EARS2: variants seen among roughly 807,000 people sequenced by gnomAD.
EARS2 encodes glutamyl-tRNA synthetase 2, mitochondrial.
In EARS2, 50 loss-of-function variants were observed where a neutral mutation model predicts 54.1. The observed-to-expected ratio is 0.92, with a 90% CI of 0.74 to 1.17. The LOEUF is 1.17. Ranked by LOEUF, EARS2 falls within the 50% of genes most tolerant of loss-of-function variation. The pLI is 0.00. For synonymous variants in EARS2, 298 were observed against 281.0 expected, an observed-to-expected ratio of 1.06 and a Z score of -0.61; for missense variants, 673 against 675.0, an observed-to-expected ratio of 1.00 and a Z score of 0.03.
intron 2 of EARS2, among the ~76,000 whole-genome samples, chr16:23,549,281 C>T (rs922801619): frequency 1.3e-5 from 2 of 152,138 alleles, no homozygotes; most frequent in East Asian, 1.9e-4. Context: ...TTTTTGGGTG[C>T]CACCATGTTC....
At chr16:23,556,720 C>T (rs1034468761) in intron 1 of EARS2, 4 of 361,564 alleles carry the variant, frequency 1.1e-5, no homozygotes, top group African/African-American at 8.5e-5. Context: ...TGGATCTCAG[C>T]TCAAATGTTA....
At chr16:23,538,188 T>G (rs1965455716) in intron 3 of EARS2, among the ~76,000 whole-genome samples, 1 of 152,014 alleles carries the variant, frequency 6.6e-6, no homozygotes, top group Non-Finnish European at 1.5e-5. Flanking sequence ...GTTTTTTGTT[T>G]TGAGATGGAG....
intron 3 of EARS2, among the ~76,000 whole-genome samples, chr16:23,535,767 AG>A (rs1390538433): frequency 6.6e-6 from 1 of 152,174 alleles, no homozygotes; most frequent in Non-Finnish European, 1.5e-5. Flanking sequence ...GTTCCGGGAA[AG>A]GTTTTTCTCT....
intron 3 of EARS2, among the ~76,000 whole-genome samples, chr16:23,536,123 C>T (rs7342698): frequency 0.082 from 12,467 of 152,224 alleles, 901 homozygotes; most frequent in African/African-American, 0.19. Context: ...TCTTAGGCTC[C>T]ACCCCAGACC....
At chr16:23,537,794 CTTTT>C (rs562913476) in intron 3 of EARS2, among the ~76,000 whole-genome samples, 4 of 137,476 alleles carry the variant, frequency 2.9e-5, no homozygotes, top group Non-Finnish European at 4.7e-5. Flanking sequence ...CTTTTTCTTT[CTTTT>C]TTTTTTTTTT....
rs1597013055 is a variant in EARS2, at chr16:23,534,753, A to G, written c.958+135T>C. On this transcript the variant is annotated intron_variant, in intron 4 of 8. Coordinates refer to ENST00000449606, the MANE Select transcript of EARS2 (RefSeq NM_001083614.2). Reference sequence around the variant, plus strand: ...TGGCAAAATAAACATTTATTGAATAAAAGAATAAACTTGTCCAAGGTCACC... The same window carrying G: ...TGGCAAAATAAACATTTATTGAATAGAAGAATAAACTTGTCCAAGGTCACC... The G allele has an allele frequency of 3.7e-5, 27 of 721,090 alleles. No homozygotes were observed. In the East Asian group the frequency reaches 7.4e-4, roughly 20 times the overall value. 44.7% of individuals were successfully genotyped at this position (721,090 alleles called of 1,614,324 possible).
At chr16:23,555,548 G>A (rs769399472) in intron 1 of EARS2, among the ~76,000 whole-genome samples, 3 of 152,158 alleles carry the variant, frequency 2.0e-5, no homozygotes, top group East Asian at 1.9e-4. Context: ...AAGTGGCCAC[G>A]ACAGAAATTT....
chr16:23,531,998 A>T (rs527369885), intron 5 of EARS2, among the ~76,000 whole-genome samples: 3 of 152,228 alleles, frequency 2.0e-5, no homozygotes, highest in African/African-American at 7.2e-5. Flanking sequence ...TTTTTAGTAG[A>T]GACAGGGTTT....
chr16:23,538,167 T>C (rs1965455100), intron 3 of EARS2, among the ~76,000 whole-genome samples: 1 of 151,810 alleles, frequency 6.6e-6, no homozygotes, highest in African/African-American at 2.4e-5. Flanking sequence ...CTATCCTAGT[T>C]GGGTTTTTTT....
At chr16:23,524,646 C>CTTT (rs1172358291) in intron 8 of EARS2, among the ~76,000 whole-genome samples, 192 bp from the exon 9 acceptor site, 3 of 132,684 alleles carry the variant, frequency 2.3e-5, no homozygotes, top group Admixed American at 7.6e-5. Context: ...AACCACCGCC[C>CTTT]TTTTTTTTTT....
rs900300224 is a variant in EARS2 at position 23,522,684 on chromosome 16, T to C, written c.*1687A>G. The C allele has an allele frequency of 2.6e-5, 4 of 152,192 alleles. No homozygotes were observed. The highest frequency in any genetic ancestry group is 9.7e-5 in the African/African-American group (4 of 41,446). 9.4% of individuals were successfully genotyped at this position (152,192 alleles called of 1,614,324 possible). ...CACTCCCCTGGACAAAATAAATATA[T>C]TGTCTACTGCTGAAACGCAAATTAT... On this transcript the variant is annotated 3_prime_UTR_variant, in exon 9 of 9. Coordinates refer to ENST00000449606, the MANE Select transcript of EARS2 (RefSeq NM_001083614.2).
In EARS2 at chr16:23,534,591, A is replaced by C. The variant is rs139429186; in HGVS notation, c.958+297T>G. Among the ~76,000 whole-genome samples, 363 of 152,308 alleles carry C rather than the reference A, an allele frequency of 2.4e-3. 1 individual carries two copies. Among genetic ancestry groups the C allele is most frequent in the Non-Finnish European group, 4.4e-3 (298 of 68,024 alleles). On this transcript the variant is annotated intron_variant, in intron 4 of 8. Transcript: ENST00000449606. ...GTACCTTACACTCCTGAGCTCAGTG[A>C]ATCCTAACCCAATGAGGTAGACACT...
At chr16:23,553,010 C>A in intron 1 of EARS2, 1 of 376,646 alleles carries the variant, frequency 2.7e-6, no homozygotes, top group Non-Finnish European at 5.3e-6. Context: ...GTGGTACATG[C>A]CTGTGGTTTC....
chr16:23,543,441 A>AC (rs976207676), intron 3 of EARS2, among the ~76,000 whole-genome samples: 78 of 150,620 alleles, frequency 5.2e-4, no homozygotes, highest in African/African-American at 1.8e-3. Flanking sequence ...AACAACAACA[A>AC]AAAAAAAACC....
chr16:23,549,592 T>C (rs1171925920), intron 2 of EARS2, among the ~76,000 whole-genome samples: 1 of 152,194 alleles, frequency 6.6e-6, no homozygotes. Flanking sequence ...GCCTCCCAAG[T>C]AGCTGGGACT....
chr16:23,532,139 T>C (rs1242234092), intron 5 of EARS2, among the ~76,000 whole-genome samples: 1 of 152,200 alleles, frequency 6.6e-6, no homozygotes, highest in African/African-American at 2.4e-5. Context: ...GACTCAGACA[T>C]GTTAACTATG....
chr16:23,554,400 A>C (rs1965743592), intron 1 of EARS2, among the ~76,000 whole-genome samples: 1 of 152,188 alleles, frequency 6.6e-6, no homozygotes, highest in Admixed American at 6.5e-5. Flanking sequence ...TCATCAGTTT[A>C]AACTCCTAAG....
intron 5 of EARS2, among the ~76,000 whole-genome samples, chr16:23,531,166 C>T (rs1045574601): frequency 2.0e-5 from 3 of 151,500 alleles, no homozygotes; most frequent in Non-Finnish European, 2.9e-5. Context: ...CAAAATGCTG[C>T]GACTACAGGC....
At chr16:23,527,117 G>A (rs976602350) in intron 7 of EARS2, among the ~76,000 whole-genome samples, 1 of 151,932 alleles carries the variant, frequency 6.6e-6, no homozygotes, top group Admixed American at 6.6e-5. Flanking sequence ...CACCCACCAC[G>A]ATGCCTGGCT....
Sources: allele counts gnomAD v4.1 joint callset (sites outside exome capture counted in the v4.1 genomes callset), GRCh38; gene constraint gnomAD v4.1.1; transcripts MANE v1.5; gene names NCBI Gene and HGNC (gene_info 2026-07-23, HGNC 2026-07-21).